Variants in SNRK observed in about 807,000 individuals in gnomAD.
SNRK encodes the protein SNF-related serine/threonine-protein kinase.
Under a neutral mutation model 48.2 loss-of-function variants are expected in SNRK, and 3 were observed. The observed-to-expected ratio is 0.06, with a 90% CI of 0.03 to 0.16. The LOEUF (loss-of-function observed/expected upper bound fraction) is 0.16. SNRK is among the 10% of genes least tolerant of loss of function. The pLI is 1.00. For missense variants in SNRK, 627 were observed against 976.0 expected, an observed-to-expected ratio of 0.64 and a Z score of 4.76; for synonymous variants, 376 against 366.1, an observed-to-expected ratio of 1.03 and a Z score of -0.31.
At position 43,348,745 on chromosome 3, in the gene SNRK, TC is replaced by T; in HGVS notation, c.*191del. 1 of 512,396 alleles carries T rather than the reference TC, an allele frequency of 2.0e-6. No individual in the cohort carries two copies. Among genetic ancestry groups the T allele is most frequent in the Non-Finnish European group, 3.1e-6 (1 of 321,318 alleles). The allele number at this position is 512,396 out of a possible 1,614,324, so 31.7% of individuals were successfully genotyped here. On this transcript the variant is annotated 3_prime_UTR_variant, in exon 7 of 7. Transcript: ENST00000296088. Reference sequence around the variant, plus strand: ...GTGCATGCTGCTAGACACTTTTCTTTCCCAGCCGAAAAGCCTATTATGTAAT... The same window carrying T: ...GTGCATGCTGCTAGACACTTTTCTTTCCAGCCGAAAAGCCTATTATGTAAT...
chr3:43,316,670 A>G (rs2091015447), intron 3 of SNRK, among the ~76,000 whole-genome samples: 1 of 151,202 alleles, frequency 6.6e-6, no homozygotes, highest in African/African-American at 2.4e-5. Flanking sequence ...CTCTCTGCTC[A>G]TTTAGGGATA....
chr3:43,330,780 AG>A (rs2091140271), intron 3 of SNRK, among the ~76,000 whole-genome samples: 1 of 152,226 alleles, frequency 6.6e-6, no homozygotes, highest in Admixed American at 6.5e-5. Context: ...CAGACCTCTT[AG>A]GGAGACTGCA....
In SNRK at chr3:43,350,937, TAAG is replaced by T. The variant is rs1386364065; in HGVS notation, c.*2383_*2385del. 6.6e-6 allele frequency: 1 copy of T among 152,660 alleles called. No homozygotes were observed. The highest frequency in any genetic ancestry group is 1.5e-5 in the Non-Finnish European group (1 of 68,052). The allele number at this position is 152,660 out of a possible 1,614,324, so 9.5% of individuals were successfully genotyped here. A position where few individuals can be genotyped will look rare whatever the true frequency, so the allele number is the denominator to read the frequency against. ...GATGTGACAATCTTGACACCAATTT[TAAG>T]AATAGCTGTGAGACCGAATTAAAGA... On this transcript the variant is annotated 3_prime_UTR_variant, in exon 7 of 7. Coordinates refer to ENST00000296088, the MANE Select transcript of SNRK (RefSeq NM_017719.5).
intron 6 of SNRK, among the ~76,000 whole-genome samples, chr3:43,345,576 A>G (rs1244793222): frequency 6.6e-6 from 1 of 152,196 alleles, no homozygotes; most frequent in Non-Finnish European, 1.5e-5. Context: ...CGGTAGGCAG[A>G]AAGAAACAGG....
chr3:43,288,630 T>C (rs2125609462), intron 1 of SNRK, among the ~76,000 whole-genome samples: 1 of 152,336 alleles, frequency 6.6e-6, no homozygotes, highest in South Asian at 2.1e-4. Context: ...GCCATGGTTC[T>C]AAGTACTGGT....
chr3:43,300,608 G>GC (rs34151308), intron 2 of SNRK, among the ~76,000 whole-genome samples: 13,725 of 146,008 alleles, frequency 0.094, 972 homozygotes, highest in African/African-American at 0.2. Context: ...ATAGTTTCCT[G>GC]CCCCCCCCCC....
intron 3 of SNRK, among the ~76,000 whole-genome samples, chr3:43,328,315 T>C (rs2091111430): frequency 6.6e-6 from 1 of 152,096 alleles, no homozygotes; most frequent in Admixed American, 6.5e-5. Context: ...GTTTTTTTTT[T>C]TTTCTTATGG....
chr3:43,330,586 C>T (rs1261749663), intron 3 of SNRK, among the ~76,000 whole-genome samples: 5 of 152,098 alleles, frequency 3.3e-5, no homozygotes, highest in South Asian at 2.1e-4. Flanking sequence ...GTTATAAATT[C>T]GTTTCACTGG....
At chr3:43,291,075 T>C (rs1454009243) in intron 1 of SNRK, among the ~76,000 whole-genome samples, 4 of 152,176 alleles carry the variant, frequency 2.6e-5, no homozygotes, top group Admixed American at 1.3e-4. Context: ...TCCTTTAAGC[T>C]GGGCCCTAGA....
chr3:43,292,223 C>G (rs1400294444), intron 1 of SNRK, among the ~76,000 whole-genome samples: 1 of 152,114 alleles, frequency 6.6e-6, no homozygotes, highest in Non-Finnish European at 1.5e-5. Flanking sequence ...TGGGTGATAA[C>G]GAGAGAGATC....
intron 4 of SNRK, among the ~76,000 whole-genome samples, chr3:43,339,053 T>C (rs1360196314): frequency 6.6e-6 from 1 of 152,234 alleles, no homozygotes; most frequent in Non-Finnish European, 1.5e-5. Context: ...ATATTCTTTG[T>C]AATATTATTT....
chr3:43,328,340 A>C (rs1217907027), intron 3 of SNRK, among the ~76,000 whole-genome samples: 2 of 152,006 alleles, frequency 1.3e-5, no homozygotes, highest in Non-Finnish European at 2.9e-5. Flanking sequence ...AGATAATTTA[A>C]AATATTCTCT....
chr3:43,302,901 T>C (rs2090908904), intron 2 of SNRK, among the ~76,000 whole-genome samples, 197 bp from the exon 3 acceptor site: 1 of 152,116 alleles, frequency 6.6e-6, no homozygotes, highest in African/African-American at 2.4e-5. Flanking sequence ...AAACTTGATA[T>C]GGTATTTAAA....
intron 5 of SNRK, among the ~76,000 whole-genome samples, chr3:43,341,251 C>T (rs553856072): frequency 1.3e-3 from 196 of 151,790 alleles, no homozygotes; most frequent in African/African-American, 4.6e-3. Context: ...CCCGGGTTCA[C>T]GCCATTCTCC....
At chr3:43,311,320 C>G (rs755668171) in intron 3 of SNRK, among the ~76,000 whole-genome samples, 1 of 152,248 alleles carries the variant, frequency 6.6e-6, no homozygotes, top group South Asian at 2.1e-4. Flanking sequence ...TGTGCCTCAT[C>G]TAGAAAAGAG....
At chr3:43,301,701 T>C (rs2125619045) in intron 2 of SNRK, among the ~76,000 whole-genome samples, 1 of 152,348 alleles carries the variant, frequency 6.6e-6, no homozygotes, top group South Asian at 2.1e-4. Flanking sequence ...GACTCAATAA[T>C]TAATGCTCTT....
At chr3:43,329,624 AT>A (rs1471044488) in intron 3 of SNRK, among the ~76,000 whole-genome samples, 1 of 152,252 alleles carries the variant, frequency 6.6e-6, no homozygotes, top group East Asian at 1.9e-4. Flanking sequence ...TGTATTTCTA[AT>A]TTTTTCAATC....
At position 43,319,673 on chromosome 3, in the gene SNRK, G is replaced by A. The variant is rs1430642890; in HGVS notation, c.590-12496G>A. ...ATGTGTTTGTTTATATTTTGTCAGT[G>A]TCCTGTCACCTGGCAAACGTAACAA... On this transcript the variant is annotated intron_variant, in intron 3 of 6. Coordinates refer to ENST00000296088, the MANE Select transcript of SNRK (RefSeq NM_017719.5). 2.0e-5 allele frequency among the ~76,000 whole-genome samples: 3 copies of A among 152,250 alleles called. No homozygotes were observed. In the East Asian group the frequency reaches 5.8e-4, roughly 29 times the overall value.
intron 6 of SNRK, among the ~76,000 whole-genome samples, chr3:43,343,686 T>G (rs1436408080): frequency 6.6e-6 from 1 of 152,128 alleles, no homozygotes; most frequent in Non-Finnish European, 1.5e-5. Context: ...CCTTCTGGGC[T>G]CAGTGGGGAC....
Sources: allele counts gnomAD v4.1 joint callset (sites outside exome capture counted in the v4.1 genomes callset), GRCh38; gene constraint gnomAD v4.1.1; transcripts MANE v1.5; gene names NCBI Gene and HGNC (gene_info 2026-07-23, HGNC 2026-07-21).